The following NME9 variants were observed in gnomAD, a reference collection of about 807,000 sequenced individuals.
NME9 encodes the protein thioredoxin domain-containing protein 6.
A neutral mutation model predicts 44.4 loss-of-function variants in NME9; 48 were observed. That is an observed-to-expected ratio of 1.08 (90% confidence interval 0.86 to 1.37). NME9 has a LOEUF of 1.37. Among genes scored for constraint, NME9 ranks in the 40% most tolerant of loss-of-function variants. The pLI is 0.00. For synonymous variants in NME9, 139 were observed against 147.1 expected, an observed-to-expected ratio of 0.94 and a Z score of 0.40; for missense variants, 325 against 405.2, an observed-to-expected ratio of 0.80 and a Z score of 1.70.
intron 6 of NME9, among the ~76,000 whole-genome samples, chr3:138,313,562 C>T (rs1045390924): frequency 2.6e-5 from 4 of 152,170 alleles, no homozygotes; most frequent in African/African-American, 9.7e-5. Flanking sequence ...AACAATCCCA[C>T]TACTATGTAT....
rs2053991272 is a variant in NME9 at position 138,329,445 on chromosome 3, G to A, written c.-110C>T. ...CAAGCCCAGAGCCTCCTTCAGACAA[G>A]CCCCCCTCCTACGGCCCCCGGCCCC... On this transcript the variant is annotated 5_prime_UTR_variant, in exon 1 of 11. Transcript: ENST00000333911. The A allele has an allele frequency of 4.6e-6, 7 of 1,514,042 alleles. No individual in the cohort carries two copies. In the East Asian group the frequency reaches 1.7e-4, roughly 38 times the overall value. The allele number at this position is 1,514,042 out of a possible 1,614,324, so 93.8% of individuals were successfully genotyped here. A position where few individuals can be genotyped will look rare whatever the true frequency, so the allele number is the denominator to read the frequency against.
chr3:138,293,344 A>G lies in NME9; in HGVS notation c.745+10163T>C, dbSNP rs185064192. Among the ~76,000 whole-genome samples the G allele has an allele frequency of 9.8e-5, 15 of 152,322 alleles. No homozygotes were observed. In the East Asian group the frequency reaches 1.7e-3, roughly 18 times the overall value. On this transcript the variant is annotated intron_variant, in intron 8 of 8. Coordinates refer to the NME9 transcript ENST00000317876. ...ATTATGAGGTCAGGAGTTCGAGACC[A>G]GCCTGGCCAACATAGTGAAACCCCG... is the stretch of plus-strand genomic sequence containing the variant.
chr3:138,262,223 C>CT (rs1298360911), exon 9 of NME9: 132 of 233,752 alleles, frequency 5.6e-4, no homozygotes, highest in Non-Finnish European at 2.1e-4. Context: ...AGTAGGTAGA[C>CT]TGAGAAAGGG....
At chr3:138,265,055 G>A (rs1158124111) in intron 8 of NME9, among the ~76,000 whole-genome samples, 1 of 151,880 alleles carries the variant, frequency 6.6e-6, no homozygotes, top group Non-Finnish European at 1.5e-5. Context: ...GTGCCACTAT[G>A]CCTGGCTAAT....
At chr3:138,262,584 C>T in exon 9 of NME9, 1 of 1,597,128 alleles carries the variant, frequency 6.3e-7, no homozygotes. Context: ...GTACTGGACT[C>T]ACCTGAGGAG....
intron 8 of NME9, chr3:138,264,032 G>T (rs2048011567): frequency 8.9e-7 from 1 of 1,125,456 alleles, no homozygotes. Context: ...ATGTAGATAT[G>T]CTTGAAGTGT....
chr3:138,291,308 T>A (rs2050924760), intron 8 of NME9, among the ~76,000 whole-genome samples: 1 of 152,190 alleles, frequency 6.6e-6, no homozygotes, highest in Non-Finnish European at 1.5e-5. Context: ...TCTCATCTTC[T>A]CTGCACCCAC....
At chr3:138,308,875 A>G (rs980800301) in intron 6 of NME9, among the ~76,000 whole-genome samples, 1 of 150,882 alleles carries the variant, frequency 6.6e-6, no homozygotes, top group Admixed American at 6.6e-5. Context: ...CAATTTATCT[A>G]GCAACAGGCT....
rs142436908 is a variant in NME9, at chr3:138,290,463, G to C, written c.745+13044C>G. On this transcript the variant is annotated intron_variant, in intron 8 of 8. Coordinates refer to the NME9 transcript ENST00000317876. ...GAGGAGTAGGGAGTGAAGGACACTG[G>C]TAAGGCTCTAGATTGTTAATTGTAC... 1,395 of 1,034,702 alleles carry C rather than the reference G, an allele frequency of 1.3e-3. 18 individuals are homozygous for C. The East Asian group carries it at 0.034, about 25-fold the overall frequency. 64.1% of individuals were successfully genotyped at this position (1,034,702 alleles called of 1,614,324 possible). A position where few individuals can be genotyped will look rare whatever the true frequency, so the allele number is the denominator to read the frequency against.
At chr3:138,262,726 CA>C (rs1255446377) in intron 8 of NME9, 3 of 865,832 alleles carry the variant, frequency 3.5e-6, no homozygotes, top group Non-Finnish European at 4.9e-6. Flanking sequence ...CAAGGACAAC[CA>C]AGGTTAAGAT....
chr3:138,273,329 A>G (rs2048960230), intron 8 of NME9, among the ~76,000 whole-genome samples: 1 of 152,154 alleles, frequency 6.6e-6, no homozygotes, highest in African/African-American at 2.4e-5. Context: ...CTCCACTCCT[A>G]CACTGCTTAT....
intron 8 of NME9, chr3:138,288,973 G>GT: frequency 8.1e-7 from 1 of 1,233,990 alleles, no homozygotes; most frequent in Non-Finnish European, 1.2e-6. Flanking sequence ...ATTGGCTATG[G>GT]TAGGTCCCCC....
At chr3:138,321,071 C>T (rs2053434641) in intron 2 of NME9, among the ~76,000 whole-genome samples, 1 of 152,180 alleles carries the variant, frequency 6.6e-6, no homozygotes, top group Non-Finnish European at 1.5e-5. Flanking sequence ...GGCAGGTGCA[C>T]TTTGCTTTTC....
chr3:138,307,265 G>A (rs1407896548), intron 6 of NME9, among the ~76,000 whole-genome samples: 1 of 152,220 alleles, frequency 6.6e-6, no homozygotes, highest in African/African-American at 2.4e-5. Context: ...GACAATGAGG[G>A]AGGTGCCACA....
intron 1 of NME9, among the ~76,000 whole-genome samples, chr3:138,326,615 A>G (rs1424951685): frequency 6.6e-6 from 1 of 151,656 alleles, no homozygotes; most frequent in Non-Finnish European, 1.5e-5. Context: ...TTGTATTTTT[A>G]GTAGAGACAG....
chr3:138,274,375 A>G (rs2049073820), intron 8 of NME9: 1 of 956,754 alleles, frequency 1.0e-6, no homozygotes, highest in African/African-American at 1.6e-5. Flanking sequence ...ATATTGTTTT[A>G]ACTTTTAGAA....
chr3:138,323,405 C>CA (rs1274732842), intron 2 of NME9, among the ~76,000 whole-genome samples: 3 of 151,274 alleles, frequency 2.0e-5, no homozygotes, highest in South Asian at 2.1e-4. Context: ...GACTCCGTCT[C>CA]AAAAAAAAGA....
intron 6 of NME9, among the ~76,000 whole-genome samples, chr3:138,311,133 GAA>G (rs913425456): frequency 3.3e-5 from 5 of 152,196 alleles, no homozygotes; most frequent in East Asian, 1.9e-4. Flanking sequence ...CAACAAATTT[GAA>G]AACCTAAAAG....
intron 8 of NME9, among the ~76,000 whole-genome samples, chr3:138,277,574 AAAAAC>A (rs1319915264): frequency 6.6e-6 from 1 of 152,254 alleles, no homozygotes; most frequent in African/African-American, 2.4e-5. Context: ...ATAAAACTGA[AAAAAC>A]AATATGAACA....
Sources: allele counts gnomAD v4.1 joint callset (sites outside exome capture counted in the v4.1 genomes callset), GRCh38; gene constraint gnomAD v4.1.1; transcripts MANE v1.5; gene names NCBI Gene and HGNC (gene_info 2026-07-23, HGNC 2026-07-21).